Variants in SUZ12 observed in about 807,000 individuals in gnomAD.
SUZ12 encodes SUZ12 polycomb repressive complex 2 subunit.
SUZ12 carries 17 observed loss-of-function variants against 87.3 expected under a neutral mutation model. The observed-to-expected ratio is 0.19, with a 90% CI of 0.13 to 0.29. The LOEUF (loss-of-function observed/expected upper bound fraction) is 0.29. Ranked by LOEUF, SUZ12 falls within the 10% of genes least tolerant of loss-of-function variation. The pLI is 1.00. For synonymous variants in SUZ12, 253 were observed against 312.4 expected (o/e 0.81, Z 2.01); for missense variants, 526 against 912.2 (o/e 0.58, Z 5.45).
intron 5 of SUZ12, among the ~76,000 whole-genome samples, chr17:31,971,652 A>C (rs1598170121): frequency 6.6e-6 from 1 of 151,400 alleles, no homozygotes; most frequent in East Asian, 1.9e-4. Context: ...CTGGTCTCAA[A>C]CTCCCGGCCT....
intron 4 of SUZ12, among the ~76,000 whole-genome samples, chr17:31,957,888 T>G (rs957493724): frequency 6.9e-6 from 1 of 145,900 alleles, no homozygotes; most frequent in African/African-American, 2.5e-5. Context: ...CTGGCTCACC[T>G]TTTGTCCTTT....
At chr17:31,942,809 G>A (rs1906386542) in intron 3 of SUZ12, among the ~76,000 whole-genome samples, 1 of 152,196 alleles carries the variant, frequency 6.6e-6, no homozygotes, top group Non-Finnish European at 1.5e-5. Flanking sequence ...ATCAATGCAA[G>A]TTTTTTGTCC....
At chr17:31,957,963 C>T (rs1275657785) in intron 4 of SUZ12, among the ~76,000 whole-genome samples, 7 of 135,828 alleles carry the variant, frequency 5.2e-5, no homozygotes, top group Non-Finnish European at 1.1e-4. Flanking sequence ...AGTTCAGTGG[C>T]GCAATCTCCG....
rs565905748 is a variant in SUZ12 at position 31,950,776 on chromosome 17, A to G, written c.455+3091A>G. Among the ~76,000 whole-genome samples, 23 of 151,594 alleles carry G rather than the reference A, an allele frequency of 1.5e-4. 1 individual carries two copies. The highest frequency in any genetic ancestry group is 2.9e-5 in the Non-Finnish European group (2 of 67,906). On this transcript the variant is annotated intron_variant, in intron 4 of 15. Transcript: ENST00000322652. Reference sequence around the variant, plus strand: ...TCGTACACAAAAGTATCTCTCCTCCATTTATGTTCTTTTTTTTTTTTGAGA... The same window carrying G: ...TCGTACACAAAAGTATCTCTCCTCCGTTTATGTTCTTTTTTTTTTTTGAGA...
At chr17:31,953,010 TTATTCCTCTTC>T (rs1233342608) in intron 4 of SUZ12, among the ~76,000 whole-genome samples, 1 of 152,212 alleles carries the variant, frequency 6.6e-6, no homozygotes, top group Non-Finnish European at 1.5e-5. Flanking sequence ...TCTCTTGCCC[TTATTCCTCTTC>T]TATTCCTGGT....
At chr17:31,963,604 C>G (rs1221893310) in intron 4 of SUZ12, among the ~76,000 whole-genome samples, 2 of 151,850 alleles carry the variant, frequency 1.3e-5, no homozygotes, top group African/African-American at 4.8e-5. Context: ...TCAAGTGATT[C>G]CTCTGACCTT....
Position 31,995,553 on chromosome 17 carries a change from C to G in SUZ12, c.1596-11C>G, listed in dbSNP as rs745687737. 16 of 1,613,092 alleles carry G rather than the reference C, an allele frequency of 9.9e-6. No individual in the cohort carries two copies. The Admixed American group carries it at 1.7e-4, about 17-fold the overall frequency. On this transcript the variant is annotated splice_polypyrimidine_tract_variant and intron_variant, in intron 13 of 15. Coordinates refer to ENST00000322652, the MANE Select transcript of SUZ12 (RefSeq NM_015355.4). ...AGAGGCCATAAATCAACATTTATTT[C>G]TTTTCATTAGGCCAAAACGAACAAA...
intron 10 of SUZ12, among the ~76,000 whole-genome samples, chr17:31,990,794 C>T (rs572350245): frequency 6.6e-6 from 1 of 152,088 alleles, no homozygotes; most frequent in Non-Finnish European, 1.5e-5. Context: ...CTCACCCTGG[C>T]TGGAGTGCAG....
Position 31,946,838 on chromosome 17 carries a change from A to C in SUZ12, c.387-779A>C, listed in dbSNP as rs562644769. ...CATTCTTTAATTGCTTTGAGAAGTTATACTTAAGTTTCTATTTTTTGGGAA... is the reference window on the plus strand; with the variant it reads ...CATTCTTTAATTGCTTTGAGAAGTTCTACTTAAGTTTCTATTTTTTGGGAA... On this transcript the variant is annotated intron_variant, in intron 3 of 15. Transcript: ENST00000322652. 6.0e-4 allele frequency among the ~76,000 whole-genome samples: 91 copies of C among 152,260 alleles called. 2 individuals carry two copies. Among genetic ancestry groups the C allele is most frequent in the African/African-American group, 1.9e-3 (81 of 41,568 alleles).
At chr17:31,950,343 T>A (rs1175793569) in intron 4 of SUZ12, among the ~76,000 whole-genome samples, 1 of 152,200 alleles carries the variant, frequency 6.6e-6, no homozygotes, top group African/African-American at 2.4e-5. Flanking sequence ...CAGTATATGA[T>A]GCCAGCAATA....
At chr17:31,997,727 G>A (rs1214866081) in intron 15 of SUZ12, among the ~76,000 whole-genome samples, 5 of 150,270 alleles carry the variant, frequency 3.3e-5, no homozygotes, top group Admixed American at 3.3e-4. Flanking sequence ...AGCAGCAGAA[G>A]GCAAGACAGA....
intron 10 of SUZ12, among the ~76,000 whole-genome samples, chr17:31,991,325 C>CT: frequency 6.7e-6 from 1 of 150,060 alleles, no homozygotes; most frequent in Middle Eastern, 3.4e-3. Context: ...CCAGCCTGGG[C>CT]AACATAGTGA....
At position 31,999,654 on chromosome 17, in the gene SUZ12, A is replaced by C; in HGVS notation, c.*651A>C. On this transcript the variant is annotated 3_prime_UTR_variant, in exon 16 of 16. Coordinates refer to ENST00000322652, the MANE Select transcript of SUZ12 (RefSeq NM_015355.4). ...GTTTGAGAAGATATTAAATTTTCAC[A>C]TTGTTGACAGTGAAATGCTATGTTG... 4.3e-6 allele frequency: 1 copy of C among 231,730 alleles called. No homozygotes were observed. The allele number at this position is 231,730 out of a possible 1,614,324, so 14.4% of individuals were successfully genotyped here. A position where few individuals can be genotyped will look rare whatever the true frequency, so the allele number is the denominator to read the frequency against.
chr17:31,981,534 C>CG (rs1909102985), intron 8 of SUZ12, among the ~76,000 whole-genome samples: 1 of 152,120 alleles, frequency 6.6e-6, no homozygotes, highest in African/African-American at 2.4e-5. Context: ...TAGTACGTAT[C>CG]TATGTAAAAG....
At chr17:31,996,735 G>T in intron 14 of SUZ12, 63 bp from the exon 15 acceptor site, 2 of 1,170,540 alleles carry the variant, frequency 1.7e-6, no homozygotes, top group South Asian at 3.1e-5. Context: ...TTCTGTTTTT[G>T]ACATTCTCAC....
chr17:31,998,670 C>A lies in SUZ12; in HGVS notation c.1887C>A (p.Asp629Glu). Residue 629 changes from aspartate (D) to glutamate (E), a missense_variant, in exon 16 of 16, where the codon GAC becomes GAA. Physicochemically the swap from Asp to Glu is conservative, Grantham distance 45 (BLOSUM62 2). Transcript: ENST00000322652. Reference protein sequence around the residue: ...LHVMKHGFIADNQMNHACMLF... With the variant: ...LHVMKHGFIAENQMNHACMLF... ...TTTTATTAAATAGGTTTATTGCTGACAATCAAATGAATCATGCCTGTATGC... is the reference window on the plus strand; with the variant it reads ...TTTTATTAAATAGGTTTATTGCTGAAAATCAAATGAATCATGCCTGTATGC... The A allele has an allele frequency of 1.3e-6, 2 of 1,550,672 alleles. No homozygotes were observed. Among genetic ancestry groups the A allele is most frequent in the South Asian group, 1.2e-5 (1 of 81,476 alleles).
At chr17:31,983,961 AAATATGTTAG>A (rs1909266564) in intron 9 of SUZ12, among the ~76,000 whole-genome samples, 1 of 152,226 alleles carries the variant, frequency 6.6e-6, no homozygotes, top group Admixed American at 6.5e-5. Flanking sequence ...TTTTATTTCT[AAATATGTTAG>A]ATCAGTGTTA....
At chr17:31,943,689 G>A (rs1461273733) in intron 3 of SUZ12, among the ~76,000 whole-genome samples, 1 of 151,152 alleles carries the variant, frequency 6.6e-6, no homozygotes, top group African/African-American at 2.4e-5. Context: ...TCGACTAACT[G>A]TTTTGTTTCA....
intron 8 of SUZ12, among the ~76,000 whole-genome samples, chr17:31,978,626 C>T (rs1413374922): frequency 8.9e-3 from 1,232 of 139,038 alleles, no homozygotes; most frequent in South Asian, 0.021. Context: ...TAGAATGAGG[C>T]GCATTGGACT....
Sources: gnomAD v4.1 joint callset for allele counts (sites outside exome capture counted in the v4.1 genomes callset) on GRCh38, gnomAD v4.1.1 for gene constraint, MANE v1.5 for transcripts, NCBI Gene and HGNC (gene_info 2026-07-23, HGNC 2026-07-21) for gene names.